The following AKAP13 variants were observed in gnomAD, a reference collection of about 807,000 sequenced individuals.
The protein encoded by AKAP13 is A-kinase anchoring protein 13.
In AKAP13, 80 loss-of-function variants were observed where a neutral mutation model predicts 264.5. That is an observed-to-expected ratio of 0.30 (90% CI 0.25 to 0.36). The LOEUF (loss-of-function observed/expected upper bound fraction) is 0.36, where lower values mean the gene tolerates loss of function less well. AKAP13 is among the 10% of genes least tolerant of loss of function. The pLI, the probability that AKAP13 is intolerant of heterozygous loss-of-function variation, is 1.00. For synonymous variants in AKAP13, 1,380 were observed against 1,250.2 expected (o/e 1.10, Z -2.19); for missense variants, 3,712 against 3,435.2 (o/e 1.08, Z -2.01).
chr15:85,669,538 C>T (rs1353225059), intron 13 of AKAP13, among the ~76,000 whole-genome samples, 184 bp from the exon 14 acceptor site: 1 of 152,200 alleles, frequency 6.6e-6, no homozygotes, highest in African/African-American at 2.4e-5. Context: ...TTCTCTGAAA[C>T]TGAGCAGCTG....
intron 1 of AKAP13, among the ~76,000 whole-genome samples, chr15:85,400,971 C>A (rs1174738733): frequency 1.3e-5 from 2 of 151,856 alleles, no homozygotes. Context: ...AAGCGATTCT[C>A]CTGCCTCAAC....
At chr15:85,602,495 A>T (rs2080131184) in intron 8 of AKAP13, among the ~76,000 whole-genome samples, 1 of 141,942 alleles carries the variant, frequency 7.0e-6, no homozygotes, top group African/African-American at 2.7e-5. Flanking sequence ...TCATATATAT[A>T]TATTTTTTTG....
intron 17 of AKAP13, among the ~76,000 whole-genome samples, chr15:85,702,940 C>T (rs1209549043): frequency 2.6e-5 from 4 of 152,132 alleles, no homozygotes; most frequent in Non-Finnish European, 5.9e-5. Flanking sequence ...TTGTTATGTT[C>T]AGGTTTTGGG....
chr15:85,655,199 CA>C (rs1220419955), intron 10 of AKAP13, among the ~76,000 whole-genome samples: 1 of 151,266 alleles, frequency 6.6e-6, no homozygotes, highest in Non-Finnish European at 1.5e-5. Context: ...CAAAAACAAA[CA>C]AAAAAAAGAG....
At chr15:85,417,753 T>C (rs189223453) in intron 1 of AKAP13, among the ~76,000 whole-genome samples, 73 of 152,326 alleles carry the variant, frequency 4.8e-4, no homozygotes, top group Non-Finnish European at 1.0e-3. Flanking sequence ...GGCGACATTA[T>C]TCTAGTTTTA....
intron 1 of AKAP13, among the ~76,000 whole-genome samples, chr15:85,475,069 A>G (rs184101978): frequency 4.1e-4 from 62 of 152,206 alleles, no homozygotes; most frequent in African/African-American, 1.4e-3. Context: ...GTGGTTTATA[A>G]TTGGTTTAGC....
At chr15:85,620,934 A>G (rs555346726) in intron 8 of AKAP13, among the ~76,000 whole-genome samples, 1 of 152,216 alleles carries the variant, frequency 6.6e-6, no homozygotes, top group Admixed American at 6.5e-5. Context: ...TGGACAGCTC[A>G]AAGAGCACTT....
intron 1 of AKAP13, among the ~76,000 whole-genome samples, chr15:85,395,769 A>G (rs59227465): frequency 6.6e-6 from 1 of 151,416 alleles, no homozygotes; most frequent in African/African-American, 2.4e-5. Flanking sequence ...ATTTTTCCGT[A>G]TTGTCTTTGC....
intron 2 of AKAP13, among the ~76,000 whole-genome samples, chr15:85,502,148 G>T (rs2076054412): frequency 6.6e-6 from 1 of 152,186 alleles, no homozygotes; most frequent in African/African-American, 2.4e-5. Context: ...GTTCCCAGGT[G>T]ATCCAACACT....
intron 4 of AKAP13, among the ~76,000 whole-genome samples, chr15:85,540,168 C>T (rs1358709834): frequency 6.6e-6 from 1 of 152,060 alleles, no homozygotes; most frequent in Non-Finnish European, 1.5e-5. Context: ...AAAAGTCAGT[C>T]CACCAACATG....
At chr15:85,528,617 T>C (rs563395168) in intron 3 of AKAP13, among the ~76,000 whole-genome samples, 26 of 152,318 alleles carry the variant, frequency 1.7e-4, no homozygotes, top group African/African-American at 5.8e-4. Flanking sequence ...TAACCAAATC[T>C]GTTGCAGTGG....
At chr15:85,734,421 C>G (rs551195322) in intron 30 of AKAP13, among the ~76,000 whole-genome samples, 17 of 152,214 alleles carry the variant, frequency 1.1e-4, no homozygotes, top group African/African-American at 3.6e-4. Flanking sequence ...AGATTTCCTG[C>G]TATTGGTTCC....
chr15:85,611,376 C>A lies in AKAP13; in HGVS notation c.4161+25553C>A, dbSNP rs372267910. Among the ~76,000 whole-genome samples the A allele has an allele frequency of 1.8e-4, 28 of 152,306 alleles. No individual in the cohort carries two copies. In the East Asian group the frequency reaches 4.8e-3, roughly 26 times the overall value. On this transcript the variant is annotated intron_variant, in intron 8 of 36. Coordinates refer to ENST00000394518, the MANE Select transcript of AKAP13 (RefSeq NM_007200.5). ...AATTCATCATCTGATCTCTCCCCTG[C>A]CACCTACTTCTGCTGCATTCCGCCC... is the stretch of plus-strand genomic sequence containing the variant.
chr15:85,423,633 T>G (rs1459366711), intron 1 of AKAP13, among the ~76,000 whole-genome samples: 1 of 152,216 alleles, frequency 6.6e-6, no homozygotes, highest in Non-Finnish European at 1.5e-5. Flanking sequence ...TGGAATCAGC[T>G]TCTTCCAAAA....
intron 8 of AKAP13, among the ~76,000 whole-genome samples, chr15:85,636,787 G>A (rs1190994276): frequency 6.6e-6 from 1 of 152,032 alleles, no homozygotes; most frequent in Non-Finnish European, 1.5e-5. Context: ...GCTGATTTTT[G>A]TATTTTCAGT....
chr15:85,545,194 G>A (rs2077696108), intron 5 of AKAP13, among the ~76,000 whole-genome samples: 1 of 152,152 alleles, frequency 6.6e-6, no homozygotes, highest in Non-Finnish European at 1.5e-5. Flanking sequence ...CTTCCCATCT[G>A]GCCAATGATT....
intron 4 of AKAP13, chr15:85,535,718 T>G (rs1052329524): frequency 2.0e-5 from 3 of 152,192 alleles, no homozygotes; most frequent in Non-Finnish European, 4.4e-5. Context: ...GTTGGATAGT[T>G]TTATGTTGCC....
At chr15:85,532,894 G>T (rs1361183909) in intron 3 of AKAP13, among the ~76,000 whole-genome samples, 1 of 152,150 alleles carries the variant, frequency 6.6e-6, no homozygotes, top group Non-Finnish European at 1.5e-5. Flanking sequence ...CCTGAACTGG[G>T]CTCCCAGCCA....
At position 85,380,814 on chromosome 15, in the gene AKAP13, A is replaced by C. The variant is rs899522227; in HGVS notation, c.-12+16A>C. ...GAGCCGCACGGTGAGAGCGCAACTT[A>C]GTTGGCGGAGTTGGGGGAAGTTTTG... On this transcript the variant is annotated intron_variant, in intron 1 of 36. Transcript: ENST00000394518. The C allele has an allele frequency of 2.6e-5, 4 of 151,610 alleles. No homozygotes were observed. The highest frequency in any genetic ancestry group is 5.9e-5 in the Non-Finnish European group (4 of 67,962). 9.4% of individuals were successfully genotyped at this position (151,610 alleles called of 1,614,324 possible). A position where few individuals can be genotyped will look rare whatever the true frequency, so the allele number is the denominator to read the frequency against.
Sources: gnomAD v4.1 joint callset for allele counts (sites outside exome capture counted in the v4.1 genomes callset) on GRCh38, gnomAD v4.1.1 for gene constraint, MANE v1.5 for transcripts, NCBI Gene and HGNC (gene_info 2026-07-23, HGNC 2026-07-21) for gene names.